The following CDON variants were observed in gnomAD, a reference collection of about 807,000 sequenced individuals.
The protein encoded by CDON is cell adhesion molecule-related/down-regulated by oncogenes.
In CDON, 73 loss-of-function variants were observed where a neutral mutation model predicts 120.9. The ratio of observed to expected loss-of-function variants is 0.60; its 90% CI spans 0.50 to 0.73. The LOEUF (loss-of-function observed/expected upper bound fraction) is 0.73. Among genes scored for constraint, CDON ranks in the 30% least tolerant of loss-of-function variants. The pLI is 0.00. For synonymous variants in CDON, 566 were observed against 573.5 expected (o/e 0.99, Z 0.19); for missense variants, 1,470 against 1,587.3 (o/e 0.93, Z 1.26).
intron 12 of CDON, among the ~76,000 whole-genome samples, chr11:125,996,915 T>C (rs1272717281): frequency 1.3e-5 from 2 of 152,138 alleles, no homozygotes; most frequent in Admixed American, 6.5e-5. Flanking sequence ...GGCTCACGCC[T>C]GTAATCCCAG....
intron 1 of CDON, among the ~76,000 whole-genome samples, chr11:126,037,660 T>C (rs1948136879): frequency 6.6e-6 from 1 of 152,164 alleles, no homozygotes; most frequent in South Asian, 2.1e-4. Flanking sequence ...AAAACTTTTT[T>C]GGTATAAAAA....
intron 6 of CDON, among the ~76,000 whole-genome samples, chr11:126,016,622 G>A (rs1343917961): frequency 2.0e-5 from 3 of 151,982 alleles, no homozygotes; most frequent in African/African-American, 4.8e-5. Flanking sequence ...TGGTAGAGAT[G>A]GGGTTTCGCC....
At chr11:126,030,568 G>T (rs1438371805) in intron 1 of CDON, among the ~76,000 whole-genome samples, 2 of 152,142 alleles carry the variant, frequency 1.3e-5, no homozygotes, top group African/African-American at 4.8e-5. Flanking sequence ...ATCTTATTCT[G>T]TATGAAACAT....
intron 18 of CDON, among the ~76,000 whole-genome samples, chr11:125,962,472 T>G (rs1185652407): frequency 6.6e-6 from 1 of 152,230 alleles, no homozygotes; most frequent in African/African-American, 2.4e-5. Flanking sequence ...AGATTATATG[T>G]TCCCCCTCAT....
chr11:126,051,856 C>T (rs1215037275), intron 1 of CDON, among the ~76,000 whole-genome samples: 1 of 151,898 alleles, frequency 6.6e-6, no homozygotes, highest in Non-Finnish European at 1.5e-5. Context: ...ACGATGTTGG[C>T]CAGGCTGGTC....
At position 126,019,662 on chromosome 11, in the gene CDON, C is replaced by G; in HGVS notation, c.453G>C (p.Glu151Asp). Residue 151 changes from glutamate (E) to aspartate (D), a missense_variant, in exon 4 of 20, where the codon GAG (glutamate) becomes GAC (aspartate). Physicochemically the swap from Glu to Asp is conservative, Grantham distance 45. Transcript: ENST00000531738. ...CRVPESNPKA[E>D]VRYKIRGKWL... ...ATTTTCCCCGGATTTTATAGCGCAC[C>G]TCAGCTTTGGGGTTACTCTCCGGTA... The G allele has an allele frequency of 6.2e-7, 1 of 1,614,132 alleles. No individual in the cohort carries two copies.
chr11:126,045,415 C>A (rs1948381782), intron 1 of CDON, among the ~76,000 whole-genome samples: 2 of 151,924 alleles, frequency 1.3e-5, no homozygotes, highest in Non-Finnish European at 1.5e-5. Context: ...TCAAAAGAAT[C>A]AAAAAACAGA....
chr11:125,977,949 T>A (rs1565498333), intron 18 of CDON, among the ~76,000 whole-genome samples: 1 of 152,006 alleles, frequency 6.6e-6, no homozygotes, highest in Non-Finnish European at 1.5e-5. Context: ...CTGTCATTCA[T>A]CCTCATAACA....
At position 125,990,013 on chromosome 11, in the gene CDON, T is replaced by C. The variant is rs576773252; in HGVS notation, c.2651-254A>G. Among the ~76,000 whole-genome samples, 19 of 152,326 alleles carry C rather than the reference T, an allele frequency of 1.2e-4. 1 individual carries two copies. In the South Asian group the frequency reaches 1.9e-3, roughly 15 times the overall value. On this transcript the variant is annotated intron_variant, in intron 14 of 19. Coordinates refer to ENST00000531738, the MANE Select transcript of CDON (RefSeq NM_001378964.1). ...AACTATATCTGTGTGTTGGCAATAA[T>C]ACTTGTTTCACTAAAAATAATTAGT...
At chr11:125,983,784 C>T in intron 16 of CDON, 88 bp downstream of exon 16, 1 of 954,792 alleles carries the variant, frequency 1.0e-6, no homozygotes, top group Admixed American at 2.0e-5. Context: ...CACTAATATA[C>T]AACAGTGTTA....
At chr11:125,989,949 C>T (rs1265806650) in intron 14 of CDON, among the ~76,000 whole-genome samples, 190 bp from the exon 15 acceptor site, 2 of 151,726 alleles carry the variant, frequency 1.3e-5, no homozygotes, top group African/African-American at 4.8e-5. Flanking sequence ...TATTACACGG[C>T]ATGAAAAAAA....
In CDON at chr11:126,005,709, A is replaced by G. The variant is rs370026870; in HGVS notation, c.1851+50T>C. On this transcript the variant is annotated intron_variant, in intron 9 of 19. Transcript: ENST00000531738. ...AAAAGGCAACAGTATATGTTATACA[A>G]AGAACGTTCAGGTGTGAGCCGAGAA... 1.9e-3 allele frequency: 3,003 copies of G among 1,541,100 alleles called. 4 individuals are homozygous for G. Among genetic ancestry groups the G allele is most frequent in the Non-Finnish European group, 2.3e-3 (2,512 of 1,116,024 alleles).
intron 16 of CDON, among the ~76,000 whole-genome samples, chr11:125,981,749 C>T (rs1946307992): frequency 6.6e-6 from 1 of 151,764 alleles, no homozygotes; most frequent in African/African-American, 2.4e-5. Flanking sequence ...GGAAAAAGTG[C>T]TTAAACTCCT....
At position 126,017,149 on chromosome 11, in the gene CDON, G is replaced by A. The variant is rs927575939; in HGVS notation, c.867C>T (p.Ser289=). The A allele has an allele frequency of 1.9e-6, 3 of 1,614,170 alleles. No homozygotes were observed. Among genetic ancestry groups the A allele is most frequent in the Non-Finnish European group, 1.7e-6 (2 of 1,180,014 alleles). The change falls in exon 6 of 20, where the codon TCC becomes TCT. Residue 289 remains serine (S), a synonymous_variant. Transcript: ENST00000531738. ...SVDPADSGNY[S]CMAGNKSGDV... ...CTCCAGACTTGTTTCCCGCCATGCAGGAATAGTTTCCGGAGTCCGCCGGGT... is the reference window on the plus strand; with the variant it reads ...CTCCAGACTTGTTTCCCGCCATGCAAGAATAGTTTCCGGAGTCCGCCGGGT...
chr11:125,992,452 T>C (rs1316616803), intron 14 of CDON, among the ~76,000 whole-genome samples: 2 of 152,140 alleles, frequency 1.3e-5, no homozygotes, highest in Non-Finnish European at 2.9e-5. Flanking sequence ...ATGGTACCCA[T>C]ATCTAAGTCA....
At chr11:125,973,902 T>G (rs1946073031) in intron 18 of CDON, among the ~76,000 whole-genome samples, 3 of 152,154 alleles carry the variant, frequency 2.0e-5, no homozygotes. Context: ...ATGTCATTTT[T>G]TTTTTCTTTT....
rs1945610152 is a variant in CDON, at chr11:125,960,403, A to C, written c.*539T>G. ...GCTACTCAGGAGGCTGAGGCGGGAG[A>C]ATTGCTTGAACCTGGGAGGCGGAGG... On this transcript the variant is annotated 3_prime_UTR_variant, in exon 20 of 20. Coordinates refer to ENST00000531738, the MANE Select transcript of CDON (RefSeq NM_001378964.1). 1 of 154,698 alleles carries C rather than the reference A, an allele frequency of 6.5e-6. No homozygotes were observed. The highest frequency in any genetic ancestry group is 2.0e-4 in the South Asian group (1 of 4,964). The allele number at this position is 154,698 out of a possible 1,614,324, so 9.6% of individuals were successfully genotyped here.
intron 15 of CDON, among the ~76,000 whole-genome samples, chr11:125,984,662 A>G (rs920760941): frequency 2.7e-5 from 4 of 150,616 alleles, no homozygotes; most frequent in African/African-American, 9.8e-5. Flanking sequence ...ACGCCACTGC[A>G]CTTCAACCTG....
intron 18 of CDON, among the ~76,000 whole-genome samples, chr11:125,977,443 G>A (rs933244378): frequency 1.3e-5 from 2 of 152,030 alleles, no homozygotes; most frequent in Non-Finnish European, 2.9e-5. Context: ...AAATATATAG[G>A]TCAAACATCA....
Sources: gnomAD v4.1 joint callset for allele counts (sites outside exome capture counted in the v4.1 genomes callset) on GRCh38, gnomAD v4.1.1 for gene constraint, MANE v1.5 for transcripts, NCBI Gene and HGNC (gene_info 2026-07-23, HGNC 2026-07-21) for gene names.